NAALADL2: variants seen among roughly 807,000 people sequenced by gnomAD.
The protein encoded by NAALADL2 is N-acetylated alpha-linked acidic dipeptidase like 2.
A neutral mutation model predicts 87.2 loss-of-function variants in NAALADL2; 76 were observed. The ratio of observed to expected loss-of-function variants is 0.87; its 90% CI spans 0.72 to 1.05. NAALADL2 has a LOEUF of 1.05. Ranked by LOEUF, NAALADL2 falls within the 50% of genes least tolerant of loss-of-function variation. The probability of loss-of-function intolerance (pLI) is 0.00; values close to 1 mark genes in which losing one functional copy is unlikely to be tolerated. For missense variants in NAALADL2, 1,089 were observed against 945.8 expected, an observed-to-expected ratio of 1.15 and a Z score of -1.99; for synonymous variants, 354 against 331.0, an observed-to-expected ratio of 1.07 and a Z score of -0.75.
intron 1 of NAALADL2, among the ~76,000 whole-genome samples, chr3:174,509,516 C>T (rs1430739184): frequency 6.7e-6 from 1 of 149,798 alleles, no homozygotes; most frequent in African/African-American, 2.5e-5. Context: ...ATTCTCCTGC[C>T]TCAGCCTCCT....
chr3:175,217,378 C>G (rs1411060410), intron 2 of NAALADL2, among the ~76,000 whole-genome samples: 1 of 152,170 alleles, frequency 6.6e-6, no homozygotes, highest in Non-Finnish European at 1.5e-5. Context: ...AAAGAAGCAA[C>G]TCCGCTTTGT....
chr3:174,741,882 G>T (rs1341513612), intron 3 of NAALADL2, among the ~76,000 whole-genome samples: 1 of 151,670 alleles, frequency 6.6e-6, no homozygotes, highest in Non-Finnish European at 1.5e-5. Context: ...GAATAAATCT[G>T]TAATATTTCA....
At chr3:175,016,560 G>C (rs1242978062) in intron 1 of NAALADL2, among the ~76,000 whole-genome samples, 1 of 151,226 alleles carries the variant, frequency 6.6e-6, no homozygotes, top group Non-Finnish European at 1.5e-5. Context: ...TCTGAAATGT[G>C]CTTTATTAAA....
chr3:174,589,219 G>C (rs572060341), intron 2 of NAALADL2, among the ~76,000 whole-genome samples: 1 of 152,180 alleles, frequency 6.6e-6, no homozygotes, highest in Non-Finnish European at 1.5e-5. Flanking sequence ...TGCTAAGACT[G>C]TTGGAAAAGT....
At chr3:175,089,929 T>G (rs563360023) in intron 1 of NAALADL2, among the ~76,000 whole-genome samples, 1 of 152,280 alleles carries the variant, frequency 6.6e-6, no homozygotes, top group South Asian at 2.1e-4. Flanking sequence ...TGGCTTTCTT[T>G]TAGCCTGAAT....
chr3:175,533,794 TCTCA>T (rs1183903067), intron 9 of NAALADL2, among the ~76,000 whole-genome samples: 2 of 152,248 alleles, frequency 1.3e-5, no homozygotes, highest in East Asian at 3.9e-4. Context: ...GAGGTAAGAC[TCTCA>T]CTCAGGCCAA....
rs1436010063 is a variant in NAALADL2, at chr3:174,907,194, CT to C, written c.43+47745del. ...ATCAAAATCATTGCATCACAGAATA[CT>C]AGCACTGGAATGTATCTTAAATATT... On this transcript the variant is annotated intron_variant, in intron 1 of 13. Coordinates refer to ENST00000454872, the MANE Select transcript of NAALADL2 (RefSeq NM_207015.3). 7.2e-5 allele frequency among the ~76,000 whole-genome samples: 11 copies of C among 152,114 alleles called. No individual in the cohort carries two copies. The East Asian group carries it at 2.1e-3, about 29-fold the overall frequency.
Position 175,357,552 on chromosome 3 carries a change from G to T in NAALADL2, c.1090+33227G>T, listed in dbSNP as rs150335905. ...TTTATTTGGTATCATATTTTGATGT[G>T]AATTCTAATTCTAGTAATCAGCAAC... is the stretch of plus-strand genomic sequence containing the variant. On this transcript the variant is annotated intron_variant, in intron 5 of 13. Coordinates refer to ENST00000454872, the MANE Select transcript of NAALADL2 (RefSeq NM_207015.3). Among the ~76,000 whole-genome samples, 221 of 152,186 alleles carry T rather than the reference G, an allele frequency of 1.5e-3. No individual in the cohort carries two copies. The Middle Eastern group carries it at 0.024, about 16-fold the overall frequency.
At chr3:175,491,525 A>G (rs1431923683) in intron 9 of NAALADL2, among the ~76,000 whole-genome samples, 1 of 152,200 alleles carries the variant, frequency 6.6e-6, no homozygotes, top group African/African-American at 2.4e-5. Context: ...GTCACAGCTG[A>G]AAGTTTAAAA....
chr3:175,104,442 G>A (rs1209215948), intron 2 of NAALADL2, among the ~76,000 whole-genome samples: 1 of 152,126 alleles, frequency 6.6e-6, no homozygotes, highest in Non-Finnish European at 1.5e-5. Flanking sequence ...GTTGTTTGAT[G>A]ATGGTGATGT....
chr3:175,392,130 G>A (rs1288940576), intron 5 of NAALADL2, among the ~76,000 whole-genome samples: 1 of 152,176 alleles, frequency 6.6e-6, no homozygotes, highest in Non-Finnish European at 1.5e-5. Context: ...CATGATTTCA[G>A]CCTTCATGCT....
intron 5 of NAALADL2, among the ~76,000 whole-genome samples, chr3:175,326,953 A>G (rs1342102149): frequency 6.6e-6 from 1 of 152,144 alleles, no homozygotes; most frequent in Non-Finnish European, 1.5e-5. Context: ...GGACTAATCT[A>G]AAACTACCTT....
chr3:175,655,464 T>A (rs1255007800), intron 11 of NAALADL2: 1 of 377,066 alleles, frequency 2.7e-6, no homozygotes, highest in Non-Finnish European at 5.3e-6. Flanking sequence ...TGTGTTTGTG[T>A]TTTTCTTCCT....
chr3:175,691,352 A>G (rs1181794366), intron 11 of NAALADL2, among the ~76,000 whole-genome samples: 2 of 151,350 alleles, frequency 1.3e-5, no homozygotes, highest in Non-Finnish European at 3.0e-5. Flanking sequence ...TTGCTTTTGT[A>G]GTCATAGCTT....
intron 1 of NAALADL2, among the ~76,000 whole-genome samples, chr3:174,509,007 T>G (rs1327159349): frequency 2.6e-5 from 4 of 152,210 alleles, no homozygotes; most frequent in Non-Finnish European, 5.9e-5. Context: ...TTATAGTATC[T>G]TCGTGTGGAT....
intron 13 of NAALADL2, among the ~76,000 whole-genome samples, chr3:175,768,237 C>T (rs982276476): frequency 6.6e-6 from 1 of 152,136 alleles, no homozygotes; most frequent in East Asian, 1.9e-4. Flanking sequence ...ACTTCATATA[C>T]TCGATGCATA....
At chr3:175,550,005 A>C (rs1049797479) in intron 9 of NAALADL2, among the ~76,000 whole-genome samples, 3 of 152,116 alleles carry the variant, frequency 2.0e-5, no homozygotes, top group African/African-American at 7.2e-5. Context: ...CATTTTAACA[A>C]AGAGTGAACC....
In NAALADL2 at chr3:175,249,122, G is replaced by A. The variant is rs113250360; in HGVS notation, c.820-7289G>A. ...CTACTCTTGTTTATTTTTTGTGTGC[G>A]TATATGAGGAAGTTGAGCTCGATCA... On this transcript the variant is annotated intron_variant, in intron 3 of 13. Transcript: ENST00000454872. Among the ~76,000 whole-genome samples, 493 of 151,970 alleles carry A rather than the reference G, an allele frequency of 3.2e-3. 2 individuals are homozygous for A. Among genetic ancestry groups the A allele is most frequent in the African/African-American group, 0.011 (449 of 41,464 alleles).
At chr3:174,729,382 A>G (rs7617961) in intron 2 of NAALADL2, among the ~76,000 whole-genome samples, 13 of 152,142 alleles carry the variant, frequency 8.5e-5, no homozygotes, top group African/African-American at 2.9e-4. Context: ...TGGTGAGACT[A>G]AGCAACTTGC....
Sources: gnomAD v4.1 joint callset for allele counts (sites outside exome capture counted in the v4.1 genomes callset) on GRCh38, gnomAD v4.1.1 for gene constraint, MANE v1.5 for transcripts, NCBI Gene and HGNC (gene_info 2026-07-23, HGNC 2026-07-21) for gene names.